MADD: variants seen among roughly 807,000 people sequenced by gnomAD.
The protein encoded by MADD is MAP kinase-activating death domain protein.
In MADD, 109 loss-of-function variants were observed where a neutral mutation model predicts 176.7. The ratio of observed to expected loss-of-function variants is 0.62; its 90% CI spans 0.53 to 0.72. MADD has a LOEUF of 0.72. Ranked by LOEUF, MADD falls within the 30% of genes least tolerant of loss-of-function variation. MADD has a pLI of 0.00. For synonymous variants in MADD, 771 were observed against 771.3 expected, an observed-to-expected ratio of 1.00 and a Z score of 0.01; for missense variants, 1,914 against 2,045.5, an observed-to-expected ratio of 0.94 and a Z score of 1.24.
chr11:47,274,776 C>T, exon 3 of MADD: 1 of 1,614,210 alleles, frequency 6.2e-7, no homozygotes, highest in Non-Finnish European at 8.5e-7. Flanking sequence ...CGCGATATGG[C>T]ATCTGTGTTA....
intron 22 of MADD, among the ~76,000 whole-genome samples, chr11:47,301,110 A>G (rs939504742): frequency 6.5e-5 from 9 of 139,424 alleles, no homozygotes; most frequent in Non-Finnish European, 1.3e-4. Flanking sequence ...CATTTTGTTG[A>G]TTATTAATTT....
At position 47,273,974 on chromosome 11, in the gene MADD, CAGGT is replaced by C. The variant is rs768618183; in HGVS notation, c.62_62+3del. On this transcript the variant is annotated splice_donor_variant and coding_sequence_variant, in exon 2 of 33. Transcript: ENST00000402192. LOFTEE classifies it high-confidence loss of function. Reference sequence around the variant, plus strand: ...TTGACTATCTAGTGATCGTAGGGGCCAGGTAACCAAGAAGAGATTGACTTTTGTC... The same window carrying C: ...TTGACTATCTAGTGATCGTAGGGGCCAACCAAGAAGAGATTGACTTTTGTC... The C allele has an allele frequency of 6.2e-7, 1 of 1,613,848 alleles. No individual in the cohort carries two copies. The highest frequency in any genetic ancestry group is 8.5e-7 in the Non-Finnish European group (1 of 1,179,824).
intron 27 of MADD, among the ~76,000 whole-genome samples, chr11:47,321,344 C>G (rs1565561364): frequency 6.6e-6 from 1 of 152,224 alleles, no homozygotes; most frequent in Admixed American, 6.5e-5. Context: ...TTGACTGATT[C>G]TTCAAAGGCT....
At chr11:47,276,055 A>G in exon 4 of MADD, 2 of 1,614,070 alleles carry the variant, frequency 1.2e-6, no homozygotes, top group Non-Finnish European at 1.7e-6. Flanking sequence ...TCGAGGTCCT[A>G]CCCCAAGAGC....
intron 27 of MADD, among the ~76,000 whole-genome samples, chr11:47,318,189 C>T (rs776085192): frequency 1.1e-4 from 17 of 152,178 alleles, no homozygotes; most frequent in Admixed American, 1.1e-3. Flanking sequence ...TTCTTCATTT[C>T]TGTGTTTTTA....
intron 15 of MADD, 132 bp from the exon 16 acceptor site, chr11:47,288,836 C>G: frequency 1.4e-6 from 1 of 702,844 alleles, no homozygotes; most frequent in Non-Finnish European, 2.4e-6. Flanking sequence ...TCTGAGGTGC[C>G]CAAGAACCAA....
intron 14 of MADD, among the ~76,000 whole-genome samples, chr11:47,285,953 TC>T (rs2060320295): frequency 6.6e-6 from 1 of 152,250 alleles, no homozygotes; most frequent in African/African-American, 2.4e-5. Flanking sequence ...AACGGACTCT[TC>T]CATGAATGTG....
At chr11:47,326,679 T>G in intron 30 of MADD, 59 bp from the exon 35 acceptor site, 1 of 1,589,880 alleles carries the variant, frequency 6.3e-7, no homozygotes, top group Non-Finnish European at 8.6e-7. Context: ...GAGAGTGTGC[T>G]GTGTGGGGCA....
chr11:47,289,396 A>C (rs201290442), exon 16 of MADD: 2 of 1,613,644 alleles, frequency 1.2e-6, no homozygotes, highest in South Asian at 2.2e-5. Context: ...CACAGGAAAC[A>C]GGAGGGCGTT....
At chr11:47,311,545 C>T (rs748508551) in intron 25 of MADD, among the ~76,000 whole-genome samples, 187 bp from the exon 29 acceptor site, 1 of 152,144 alleles carries the variant, frequency 6.6e-6, no homozygotes, top group Non-Finnish European at 1.5e-5. Flanking sequence ...GAGACAGAGC[C>T]AGGACTTTTC....
intron 1 of MADD, among the ~76,000 whole-genome samples, chr11:47,271,356 A>G (rs962362852): frequency 2.6e-5 from 4 of 152,234 alleles, no homozygotes; most frequent in South Asian, 2.1e-4. Flanking sequence ...TATCTTTGCA[A>G]TCTGAATAAC....
At chr11:47,275,715 T>C (rs1565267407) in intron 3 of MADD, among the ~76,000 whole-genome samples, 184 bp from the exon 4 acceptor site, 1 of 152,382 alleles carries the variant, frequency 6.6e-6, no homozygotes, top group East Asian at 1.9e-4. Flanking sequence ...ACCCAGTATA[T>C]ATCTTTACAT....
At chr11:47,293,589 C>T (rs774492169) in intron 19 of MADD, among the ~76,000 whole-genome samples, 3 of 152,200 alleles carry the variant, frequency 2.0e-5, no homozygotes, top group Admixed American at 6.5e-5. Flanking sequence ...AGTCGTGAGC[C>T]ACCATGCCCA....
At chr11:47,283,612 C>T (rs1353785124) in intron 10 of MADD, among the ~76,000 whole-genome samples, 1 of 152,156 alleles carries the variant, frequency 6.6e-6, no homozygotes, top group Non-Finnish European at 1.5e-5. Context: ...TGCTCTGTCG[C>T]CCAGGCTAGA....
intron 22 of MADD, among the ~76,000 whole-genome samples, chr11:47,298,323 GTGCT>G (rs2074797756): frequency 6.6e-6 from 1 of 152,190 alleles, no homozygotes; most frequent in South Asian, 2.1e-4. Flanking sequence ...AGACATCTCA[GTGCT>G]TGCTTGTACT....
intron 18 of MADD, 111 bp from the exon 20 acceptor site, chr11:47,290,499 C>T: frequency 6.2e-6 from 8 of 1,294,698 alleles, no homozygotes; most frequent in Non-Finnish European, 8.6e-6. Flanking sequence ...CTCATCTTTC[C>T]TTGAACTTCT....
chr11:47,289,987 C>G (rs2063813788), exon 17 of MADD: 2 of 1,614,162 alleles, frequency 1.2e-6, no homozygotes, highest in African/African-American at 2.7e-5. Flanking sequence ...GAGTCTTTGT[C>G]CTGAGCAAGC....
rs765208685 is a variant in MADD at position 47,311,802 on chromosome 11, G to A, written c.4049G>A (p.Ser1350Asn). The change falls in exon 26 of 33, where the codon AGC becomes AAC. Residue 1350 changes from serine (S) to asparagine (N), a missense_variant. Physicochemically the swap from Ser to Asn is conservative, Grantham distance 46. This residue lies in a region of MADD where 1,767 missense variants were observed against 1,836.0 expected (regional missense o/e 0.96). Coordinates refer to ENST00000402192, the Ensembl canonical transcript of MADD. ...AAGTCGCACATTGGGCTTGTGTACAGCCAGCAAATCAATGAGGTGCTTGAT... is the reference window on the plus strand; with the variant it reads ...AAGTCGCACATTGGGCTTGTGTACAACCAGCAAATCAATGAGGTGCTTGAT... 4 of 1,614,036 alleles carry A rather than the reference G, an allele frequency of 2.5e-6. No homozygotes were observed. The Admixed American group carries it at 6.7e-5, about 27-fold the overall frequency.
intron 22 of MADD, among the ~76,000 whole-genome samples, chr11:47,301,273 C>T (rs765476627): frequency 4.0e-5 from 6 of 151,802 alleles, no homozygotes; most frequent in African/African-American, 9.7e-5. Flanking sequence ...CCACCACAAC[C>T]GGCTAAATTT....
Sources: gnomAD v4.1 joint callset for allele counts (sites outside exome capture counted in the v4.1 genomes callset) on GRCh38, gnomAD v4.1.1 for gene constraint, gnomAD v4.1.1 regional missense constraint, MANE v1.5 for transcripts, NCBI Gene and HGNC (gene_info 2026-07-23, HGNC 2026-07-21) for gene names.